SYN2: variants seen among roughly 807,000 people sequenced by gnomAD.
SYN2 encodes the protein synapsin II, also known as synapsin-2.
In SYN2, 19 loss-of-function variants were observed where a neutral mutation model predicts 50.9. That is an observed-to-expected ratio of 0.37 (90% CI 0.26 to 0.55). The LOEUF is 0.55. Ranked by LOEUF, SYN2 falls within the 20% of genes least tolerant of loss-of-function variation. SYN2 has a pLI of 0.81. For missense variants in SYN2, 587 were observed against 576.4 expected (o/e 1.02, Z -0.19); for synonymous variants, 255 against 224.9 (o/e 1.13, Z -1.20).
chr3:12,055,672 T>C (rs59165906), intron 1 of SYN2, among the ~76,000 whole-genome samples: 13,736 of 152,174 alleles, frequency 0.09, 2,037 homozygotes, highest in African/African-American at 0.31. Context: ...AAGGCAGAAG[T>C]CTTTTACATA....
At chr3:12,099,894 G>C (rs904951802) in intron 1 of SYN2, among the ~76,000 whole-genome samples, 14 of 143,416 alleles carry the variant, frequency 9.8e-5, no homozygotes, top group Non-Finnish European at 2.1e-4. Context: ...GAACCCGGGA[G>C]GCGGAGCTTG....
intron 1 of SYN2, among the ~76,000 whole-genome samples, chr3:12,051,862 C>T (rs1319891101): frequency 6.6e-6 from 1 of 152,222 alleles, no homozygotes; most frequent in Non-Finnish European, 1.5e-5. Context: ...GAAGGTTTCT[C>T]AGGAATTTAT....
rs370952102 is a variant in SYN2 at position 12,097,464 on chromosome 3, G to A, written c.378-43187G>A. On this transcript the variant is annotated intron_variant, in intron 1 of 12. Transcript: ENST00000621198. ...TACTAAAAATACAAAAAATTGGCCG[G>A]GTGTGGTGGCGCACGCCTGTAGTCC... Among the ~76,000 whole-genome samples, 565 of 152,206 alleles carry A rather than the reference G, an allele frequency of 3.7e-3. 5 individuals carry two copies. The highest frequency in any genetic ancestry group is 0.013 in the African/African-American group (532 of 41,536).
chr3:12,161,262 G>C (rs1179389033), intron 5 of SYN2, among the ~76,000 whole-genome samples: 2 of 152,146 alleles, frequency 1.3e-5, no homozygotes, highest in African/African-American at 4.8e-5. Flanking sequence ...GGCCAGTCCT[G>C]CCCAGGTTTT....
intron 8 of SYN2, among the ~76,000 whole-genome samples, chr3:12,167,870 C>T (rs1325732346): frequency 1.3e-5 from 2 of 152,090 alleles, no homozygotes; most frequent in Non-Finnish European, 2.9e-5. Context: ...GCTAACAGGT[C>T]TCAGATGGAA....
intron 1 of SYN2, among the ~76,000 whole-genome samples, chr3:12,063,606 A>G (rs541188084): frequency 1.3e-5 from 2 of 152,146 alleles, no homozygotes; most frequent in Admixed American, 1.3e-4. Flanking sequence ...TGGAGACATC[A>G]TTATGAACTC....
chr3:12,188,319 C>T (rs1010844235), intron 12 of SYN2, among the ~76,000 whole-genome samples: 1 of 152,236 alleles, frequency 6.6e-6, no homozygotes, highest in Non-Finnish European at 1.5e-5. Context: ...TTGGGAGGGA[C>T]AGCACCTGGA....
intron 5 of SYN2, chr3:12,157,597 T>G: frequency 1.0e-6 from 1 of 972,880 alleles, no homozygotes; most frequent in South Asian, 1.4e-5. Context: ...GGTTTTGGTG[T>G]GGCTGGGTTG....
intron 1 of SYN2, among the ~76,000 whole-genome samples, chr3:12,084,974 A>G (rs1695659763): frequency 7.4e-6 from 1 of 134,660 alleles, no homozygotes; most frequent in Non-Finnish European, 1.6e-5. Context: ...GAAAAGAGGA[A>G]CAAAGGGTCT....
At chr3:12,026,366 T>C (rs139724464) in intron 1 of SYN2, among the ~76,000 whole-genome samples, 5 of 151,916 alleles carry the variant, frequency 3.3e-5, no homozygotes, top group African/African-American at 1.2e-4. Context: ...AGATCATGAG[T>C]GGCAAAACTG....
intron 1 of SYN2, among the ~76,000 whole-genome samples, chr3:12,056,920 C>T (rs1695003070): frequency 6.6e-6 from 1 of 152,160 alleles, no homozygotes. Flanking sequence ...CTCAACTAAT[C>T]TGTTATATAA....
At chr3:12,143,372 T>C (rs964911200) in intron 3 of SYN2, among the ~76,000 whole-genome samples, 7 of 152,202 alleles carry the variant, frequency 4.6e-5, no homozygotes, top group Non-Finnish European at 8.8e-5. Flanking sequence ...TTTGGGGTTC[T>C]AGTGTTCCAT....
At chr3:12,060,642 A>T (rs142941915) in intron 1 of SYN2, among the ~76,000 whole-genome samples, 287 of 152,230 alleles carry the variant, frequency 1.9e-3, no homozygotes, top group Non-Finnish European at 3.2e-3. Context: ...TCTGAGGGGG[A>T]GTTCTCAGGG....
chr3:12,154,272 A>G, intron 5 of SYN2: 2 of 1,610,328 alleles, frequency 1.2e-6, no homozygotes, highest in Admixed American at 3.3e-5. Context: ...GCATGAATGA[A>G]GGCTCAGAAC....
intron 11 of SYN2, chr3:12,185,303 A>G (rs1574896211): frequency 3.0e-6 from 3 of 985,628 alleles, no homozygotes; most frequent in Non-Finnish European, 3.6e-6. Flanking sequence ...TGACGGTGGT[A>G]TTGCTTCTCT....
chr3:12,188,148 G>T lies in SYN2; in HGVS notation c.1613+536G>T, dbSNP rs58753657. On this transcript the variant is annotated intron_variant, in intron 12 of 12. Transcript: ENST00000621198. ...ATTTCAACATTTTACCTTCAGCTCT[G>T]TCCAAAGGAGGTCAGTTTCTGGTGT... Among the ~76,000 whole-genome samples, 1,062 of 152,348 alleles carry T rather than the reference G, an allele frequency of 7.0e-3. 10 individuals carry two copies. Among genetic ancestry groups the T allele is most frequent in the African/African-American group, 0.024 (997 of 41,574 alleles).
At chr3:12,179,360 C>T (rs1471554182) in intron 10 of SYN2, among the ~76,000 whole-genome samples, 3 of 130,088 alleles carry the variant, frequency 2.3e-5, no homozygotes, top group Admixed American at 8.7e-5. Context: ...TCTCACACAC[C>T]GGAAGAACTG....
chr3:12,044,181 T>TCTCACACACACA (rs573246278), intron 1 of SYN2, among the ~76,000 whole-genome samples: 4 of 53,360 alleles, frequency 7.5e-5, no homozygotes, highest in African/African-American at 1.4e-4. Flanking sequence ...TCTCTCTCTC[T>TCTCACACACACA]CACACACACA....
chr3:12,053,154 G>A (rs1009497201), intron 1 of SYN2, among the ~76,000 whole-genome samples: 3 of 152,140 alleles, frequency 2.0e-5, no homozygotes, highest in East Asian at 3.9e-4. Flanking sequence ...CAGGCACGGT[G>A]GCTCATGCCT....
Sources: gnomAD v4.1 joint callset for allele counts (sites outside exome capture counted in the v4.1 genomes callset) on GRCh38, gnomAD v4.1.1 for gene constraint, MANE v1.5 for transcripts, NCBI Gene and HGNC (gene_info 2026-07-23, HGNC 2026-07-21) for gene names.